RHBDD1: variants seen among roughly 807,000 people sequenced by gnomAD.
RHBDD1 encodes the protein rhomboid-related protein 4.
A neutral mutation model predicts 36.3 loss-of-function variants in RHBDD1; 38 were observed. That is an observed-to-expected ratio of 1.05 (90% CI 0.81 to 1.37). The LOEUF (loss-of-function observed/expected upper bound fraction) is 1.37. Ranked by LOEUF, RHBDD1 falls within the 40% of genes most tolerant of loss-of-function variation. RHBDD1 has a pLI of 0.00. For synonymous variants in RHBDD1, 151 were observed against 136.5 expected (o/e 1.11, Z -0.74); for missense variants, 393 against 377.6 (o/e 1.04, Z -0.34).
chr2:226,854,951 A>C (rs1574816768), intron 3 of RHBDD1, among the ~76,000 whole-genome samples: 1 of 152,198 alleles, frequency 6.6e-6, no homozygotes, highest in Non-Finnish European at 1.5e-5. Flanking sequence ...TTCAGTGTAT[A>C]ATACATGTTC....
intron 8 of RHBDD1, among the ~76,000 whole-genome samples, chr2:226,987,763 C>T (rs1402954038): frequency 3.3e-5 from 5 of 152,198 alleles, no homozygotes; most frequent in African/African-American, 9.6e-5. Context: ...CAGCATTTCT[C>T]AGTGACTTGA....
At chr2:226,807,638 G>A in the RHBDD1 span, 2 of 152,310 alleles carry the variant, frequency 1.3e-5, no homozygotes, top group African/African-American at 4.8e-5. Flanking sequence ...AAGTGCAGTG[G>A]GAGCAGAGTG....
At chr2:226,854,398 G>T (rs1383666445) in intron 3 of RHBDD1, among the ~76,000 whole-genome samples, 1 of 152,056 alleles carries the variant, frequency 6.6e-6, no homozygotes, top group Non-Finnish European at 1.5e-5. Context: ...TTCAAAACCA[G>T]ACTGGCCAAC....
chr2:226,859,858 C>T (rs1361074316), intron 3 of RHBDD1, among the ~76,000 whole-genome samples: 1 of 152,126 alleles, frequency 6.6e-6, no homozygotes, highest in Non-Finnish European at 1.5e-5. Context: ...CAGTTTTATA[C>T]AAGATTACTC....
At chr2:226,873,086 G>T (rs1205406005) in intron 5 of RHBDD1, among the ~76,000 whole-genome samples, 2 of 152,148 alleles carry the variant, frequency 1.3e-5, no homozygotes, top group African/African-American at 4.8e-5. Flanking sequence ...TACTGCAAGT[G>T]CTAGCTGCCA....
Position 226,853,668 on chromosome 2 carries a change from C to T in RHBDD1, c.-90-10936C>T, listed in dbSNP as rs569421995. ...TTTCACACCAAAACTACTGGAAGGACTTTTACTAAATTGGGCACAAGATGT... is the reference window on the plus strand; with the variant it reads ...TTTCACACCAAAACTACTGGAAGGATTTTTACTAAATTGGGCACAAGATGT... On this transcript the variant is annotated intron_variant, in intron 3 of 8. Transcript: ENST00000392062. Among the ~76,000 whole-genome samples the T allele has an allele frequency of 4.6e-3, 699 of 152,326 alleles. 7 individuals carry two copies. Among genetic ancestry groups the T allele is most frequent in the Non-Finnish European group, 7.7e-3 (525 of 68,022 alleles).
chr2:226,961,113 T>G (rs1952164109), intron 8 of RHBDD1, among the ~76,000 whole-genome samples: 1 of 152,196 alleles, frequency 6.6e-6, no homozygotes. Context: ...AAGGAAGCCC[T>G]TTGCAAGCCT....
the RHBDD1 span, among the ~76,000 whole-genome samples, chr2:226,820,286 G>A: frequency 6.6e-6 from 1 of 151,998 alleles, no homozygotes; most frequent in Non-Finnish European, 1.5e-5. Flanking sequence ...ATCTCCACAG[G>A]ACCTAAGAAA....
the RHBDD1 span, among the ~76,000 whole-genome samples, chr2:226,802,073 A>C: frequency 4.3e-4 from 65 of 152,094 alleles, no homozygotes; most frequent in African/African-American, 1.4e-3. Context: ...CTATGGGGGA[A>C]AAATACTCTT....
intron 5 of RHBDD1, among the ~76,000 whole-genome samples, chr2:226,900,256 A>G (rs369487515): frequency 3.3e-5 from 5 of 152,228 alleles, no homozygotes; most frequent in African/African-American, 1.2e-4. Context: ...GTGAAATTAC[A>G]TCAATACTTA....
rs1948732345 is a variant in RHBDD1, at chr2:226,914,246, C to T, written c.751C>T (p.Pro251Ser). Residue 251 changes from proline to serine, a missense_variant, in exon 8 of 9, where the codon CCA (proline) becomes TCA (serine). By Grantham distance (74) the Pro-to-Ser change is moderately conservative (BLOSUM62 -1). Transcript: ENST00000392062. ...TCAGGATTATTATCCGCATGGCAGG[C>T]CAGATCACTATGAAGAAGCACCCAG... The part of the protein sequence containing the change: ...GYQDYYPHGR[P>S]DHYEEAPRNY... The T allele has an allele frequency of 1.2e-6, 2 of 1,613,750 alleles. No homozygotes were observed. The highest frequency in any genetic ancestry group is 1.7e-6 in the Non-Finnish European group (2 of 1,179,762).
At chr2:226,844,284 C>T (rs1023421355) in intron 3 of RHBDD1, among the ~76,000 whole-genome samples, 5 of 151,818 alleles carry the variant, frequency 3.3e-5, no homozygotes, top group Non-Finnish European at 7.4e-5. Flanking sequence ...CTGCCCCCCG[C>T]CCCCCGGCCC....
intron 8 of RHBDD1, among the ~76,000 whole-genome samples, chr2:226,960,850 C>A (rs1011588612): frequency 6.6e-6 from 1 of 152,172 alleles, no homozygotes; most frequent in Non-Finnish European, 1.5e-5. Context: ...ATTCGAGTAT[C>A]TGGAAGGACC....
At chr2:226,801,904 G>C in the RHBDD1 span, among the ~76,000 whole-genome samples, 2 of 152,136 alleles carry the variant, frequency 1.3e-5, no homozygotes, top group Admixed American at 1.3e-4. Flanking sequence ...CTTTTCACAG[G>C]TTTGATGTTT....
upstream of RHBDD1, among the ~76,000 whole-genome samples, chr2:226,833,164 A>G (rs186824127): frequency 6.6e-6 from 1 of 152,278 alleles, no homozygotes; most frequent in African/African-American, 2.4e-5. Context: ...TTGAGATTTG[A>G]ATTATTTAAT....
intron 8 of RHBDD1, among the ~76,000 whole-genome samples, chr2:226,966,979 A>G (rs889310310): frequency 2.6e-5 from 4 of 152,104 alleles, no homozygotes; most frequent in African/African-American, 9.7e-5. Flanking sequence ...TCTGTTGTAC[A>G]ATAAAATTTG....
At chr2:226,832,415 A>C (rs1683166462), upstream of RHBDD1, among the ~76,000 whole-genome samples, 1 of 152,154 alleles carries the variant, frequency 6.6e-6, no homozygotes, top group Admixed American at 6.5e-5. Flanking sequence ...TATCCTGGAG[A>C]GTATACTTTT....
chr2:226,860,417 GA>G (rs1943742348), intron 3 of RHBDD1, among the ~76,000 whole-genome samples: 2 of 152,174 alleles, frequency 1.3e-5, no homozygotes, highest in Non-Finnish European at 2.9e-5. Flanking sequence ...TGGTCTTTCA[GA>G]TAGCACAGCA....
intron 8 of RHBDD1, among the ~76,000 whole-genome samples, chr2:226,983,858 T>A (rs1204034415): frequency 1.3e-5 from 2 of 152,062 alleles, no homozygotes; most frequent in African/African-American, 2.4e-5. Context: ...GAGAAAAAAA[T>A]AAAACAGGTC....
Sources: gnomAD v4.1 joint callset for allele counts (sites outside exome capture counted in the v4.1 genomes callset) on GRCh38, gnomAD v4.1.1 for gene constraint, MANE v1.5 for transcripts, NCBI Gene and HGNC (gene_info 2026-07-23, HGNC 2026-07-21) for gene names.